The following MOB1A variants were observed in gnomAD, a reference collection of about 807,000 sequenced individuals.
MOB1A encodes the protein MOB kinase activator 1A.
A neutral mutation model predicts 25.1 loss-of-function variants in MOB1A; 10 were observed. The observed-to-expected ratio is 0.40, with a 90% CI of 0.25 to 0.68. MOB1A has a LOEUF of 0.68. Among genes scored for constraint, MOB1A ranks in the 30% least tolerant of loss-of-function variants. The pLI, the probability that MOB1A is intolerant of heterozygous loss-of-function variation, is 0.40. For synonymous variants in MOB1A, 81 were observed against 79.5 expected (o/e 1.02, Z -0.10); for missense variants, 177 against 256.3 (o/e 0.69, Z 2.11).
intron 4 of MOB1A, among the ~76,000 whole-genome samples, chr2:74,161,007 C>T (rs1394977594): frequency 2.6e-5 from 4 of 151,996 alleles, no homozygotes; most frequent in Non-Finnish European, 5.9e-5. Context: ...TGCAGTGAGC[C>T]AAGATTGCCG....
chr2:74,176,132 CG>C (rs1693452732), intron 1 of MOB1A, among the ~76,000 whole-genome samples: 1 of 134,180 alleles, frequency 7.5e-6, no homozygotes, highest in East Asian at 2.1e-4. Context: ...ACAAACTAGC[CG>C]GGCGTGGTGG....
chr2:74,165,411 G>A (rs953504721), intron 3 of MOB1A, 60 bp from the exon 4 acceptor site: 4 of 1,105,422 alleles, frequency 3.6e-6, no homozygotes, highest in Middle Eastern at 2.7e-4. Flanking sequence ...TGTGCAAGTT[G>A]TGATTAAAAC....
At chr2:74,157,976 G>A (rs1692849156) in intron 5 of MOB1A, among the ~76,000 whole-genome samples, 1 of 151,970 alleles carries the variant, frequency 6.6e-6, no homozygotes, top group East Asian at 1.9e-4. Context: ...GAGGTCAGGA[G>A]TTCGAGATCA....
intron 4 of MOB1A, among the ~76,000 whole-genome samples, chr2:74,163,506 T>G (rs1306474335): frequency 6.6e-6 from 1 of 151,876 alleles, no homozygotes; most frequent in East Asian, 1.9e-4. Context: ...GGTGTAGTGG[T>G]GCGTGCCTAC....
chr2:74,161,398 C>T (rs1223952166), intron 4 of MOB1A, among the ~76,000 whole-genome samples: 1 of 147,212 alleles, frequency 6.8e-6, no homozygotes, highest in African/African-American at 2.5e-5. Context: ...AATCCCAGCA[C>T]TTTGGGAGGC....
chr2:74,167,599 A>G (rs1693168714), intron 2 of MOB1A, among the ~76,000 whole-genome samples: 2 of 152,326 alleles, frequency 1.3e-5, no homozygotes, highest in South Asian at 4.1e-4. Flanking sequence ...GGAATGAAAA[A>G]TCCATAGTTT....
At chr2:74,176,522 T>G (rs1407476161) in intron 1 of MOB1A, among the ~76,000 whole-genome samples, 2 of 151,914 alleles carry the variant, frequency 1.3e-5, no homozygotes, top group African/African-American at 4.8e-5. Flanking sequence ...CCCTGCACTT[T>G]GGGAGGCCGA....
In MOB1A at chr2:74,178,869, A is replaced by G; in HGVS notation, c.-195T>C. ...GCCTTGCCCGCCTACCCCACCTCGC[A>G]GACCCGAAATGCGGAACCAACAAAA... On this transcript the variant is annotated 5_prime_UTR_variant, in exon 1 of 6. Transcript: ENST00000396049. 1 of 382,542 alleles carries G rather than the reference A, an allele frequency of 2.6e-6. No homozygotes were observed. Among genetic ancestry groups the G allele is most frequent in the South Asian group, 1.4e-4 (1 of 7,346 alleles). 23.7% of individuals were successfully genotyped at this position (382,542 alleles called of 1,614,324 possible).
intron 2 of MOB1A, among the ~76,000 whole-genome samples, chr2:74,169,712 C>G (rs538551540): frequency 2.2e-4 from 34 of 151,416 alleles, no homozygotes; most frequent in African/African-American, 7.7e-4. Flanking sequence ...CACTGCAACC[C>G]CCGTCTCCCA....
Position 74,155,997 on chromosome 2 carries a change from G to A in MOB1A, c.*571C>T, listed in dbSNP as rs1348978838. On this transcript the variant is annotated 3_prime_UTR_variant, in exon 6 of 6. Transcript: ENST00000396049. ...TGCAATCATGAATTTTGAAAAAATA[G>A]ACGTATCTTATCTATAAAAACACTA... 6.6e-6 allele frequency: 1 copy of A among 152,580 alleles called. No individual in the cohort carries two copies. The highest frequency in any genetic ancestry group is 2.4e-5 in the African/African-American group (1 of 41,452). The allele number at this position is 152,580 out of a possible 1,614,324, so 9.5% of individuals were successfully genotyped here.
intron 4 of MOB1A, 116 bp from the exon 5 acceptor site, chr2:74,159,370 C>T: frequency 1.2e-6 from 1 of 867,106 alleles, no homozygotes; most frequent in Non-Finnish European, 1.8e-6. Context: ...CAGCTCACTG[C>T]AGCCTCGACC....
chr2:74,159,325 G>A, intron 4 of MOB1A, 71 bp from the exon 5 acceptor site: 2 of 1,381,854 alleles, frequency 1.4e-6, no homozygotes, highest in Non-Finnish European at 2.0e-6. Flanking sequence ...TTTGTGACAG[G>A]GTCTCACTTT....
intron 1 of MOB1A, among the ~76,000 whole-genome samples, chr2:74,177,103 A>C (rs1693496496): frequency 6.6e-6 from 1 of 152,142 alleles, no homozygotes; most frequent in African/African-American, 2.4e-5. Context: ...ATCTGAGGTC[A>C]GGAGTTCGAG....
chr2:74,167,718 G>A (rs1693172236), intron 2 of MOB1A, among the ~76,000 whole-genome samples: 1 of 152,166 alleles, frequency 6.6e-6, no homozygotes, highest in Admixed American at 6.5e-5. Flanking sequence ...GCATTTAAAA[G>A]ATCTAATTAA....
At chr2:74,171,932 A>AAAT (rs1693306616) in intron 2 of MOB1A, among the ~76,000 whole-genome samples, 1 of 151,540 alleles carries the variant, frequency 6.6e-6, no homozygotes, top group Non-Finnish European at 1.5e-5. Flanking sequence ...AATAAATAAA[A>AAAT]AGTTTTAAAC....
chr2:74,165,172 A>T (rs1693093985), intron 4 of MOB1A, 46 bp downstream of exon 4: 1 of 1,405,516 alleles, frequency 7.1e-7, no homozygotes, highest in South Asian at 1.5e-5. Flanking sequence ...TATTAATAAA[A>T]TAAAATTTTA....
At chr2:74,158,972 G>T in intron 5 of MOB1A, 119 bp downstream of exon 5, 1 of 966,916 alleles carries the variant, frequency 1.0e-6, no homozygotes, top group Non-Finnish European at 1.6e-6. Context: ...AAACAGAAAA[G>T]AGAAGCTTGC....
At chr2:74,158,324 A>T (rs1297792530) in intron 5 of MOB1A, among the ~76,000 whole-genome samples, 1 of 152,078 alleles carries the variant, frequency 6.6e-6, no homozygotes, top group African/African-American at 2.4e-5. Flanking sequence ...ACACAAAACT[A>T]TAATACACAG....
At chr2:74,173,376 GTT>G (rs35382378) in intron 1 of MOB1A, among the ~76,000 whole-genome samples, 127 of 93,318 alleles carry the variant, frequency 1.4e-3, no homozygotes, top group African/African-American at 4.9e-3. Context: ...CTCAATTTCG[GTT>G]TTTTTTTTTT....
Sources: gnomAD v4.1 joint callset for allele counts (sites outside exome capture counted in the v4.1 genomes callset) on GRCh38, gnomAD v4.1.1 for gene constraint, MANE v1.5 for transcripts, NCBI Gene and HGNC (gene_info 2026-07-23, HGNC 2026-07-21) for gene names.